PTCHD4: variants seen among roughly 807,000 people sequenced by gnomAD.
PTCHD4 encodes patched domain containing 4.
Under a neutral mutation model 58.1 loss-of-function variants are expected in PTCHD4, and 33 were observed. That is an observed-to-expected ratio of 0.57 (90% CI 0.43 to 0.76). The LOEUF (loss-of-function observed/expected upper bound fraction) is 0.76, where lower values mean the gene tolerates loss of function less well. Among genes scored for constraint, PTCHD4 ranks in the 30% least tolerant of loss-of-function variants. The probability of loss-of-function intolerance (pLI) is 0.00; values close to 1 mark genes in which losing one functional copy is unlikely to be tolerated. For synonymous variants in PTCHD4, 478 were observed against 409.6 expected (o/e 1.17, Z -2.02); for missense variants, 1,058 against 1,027.1 (o/e 1.03, Z -0.41).
chr6:48,098,938 C>A (rs546283228), intron 1 of PTCHD4, among the ~76,000 whole-genome samples: 32 of 152,184 alleles, frequency 2.1e-4, no homozygotes, highest in Admixed American at 1.8e-3. Flanking sequence ...CATATTGTAT[C>A]TTAATTTTTT....
intron 1 of PTCHD4, among the ~76,000 whole-genome samples, chr6:48,093,466 G>C (rs1331167837): frequency 6.6e-6 from 1 of 151,952 alleles, no homozygotes; most frequent in Non-Finnish European, 1.5e-5. Flanking sequence ...GCAGGACAAA[G>C]GTATTGGGGA....
At chr6:47,911,438 C>T (rs1468344441) in intron 4 of PTCHD4, among the ~76,000 whole-genome samples, 1 of 152,136 alleles carries the variant, frequency 6.6e-6, no homozygotes, top group East Asian at 1.9e-4. Context: ...GCTGCTTCTT[C>T]CAACTCCTTT....
chr6:47,908,983 A>C (rs759187898), intron 4 of PTCHD4, among the ~76,000 whole-genome samples: 3 of 152,196 alleles, frequency 2.0e-5, no homozygotes, highest in Non-Finnish European at 4.4e-5. Context: ...TCTCTCAGGA[A>C]TACTGCATAA....
At position 47,879,346 on chromosome 6, in the gene PTCHD4, G is replaced by A. The variant is rs778506640; in HGVS notation, c.1489C>T (p.Pro497Ser). The A allele has an allele frequency of 6.2e-7, 1 of 1,613,374 alleles. No homozygotes were observed. The highest frequency in any genetic ancestry group is 2.2e-5 in the East Asian group (1 of 44,832). Residue 497 changes from proline (P) to serine (S), a missense_variant, in exon 5 of 5, where the codon CCA (proline) becomes TCA (serine). Physicochemically the swap from Pro to Ser is moderately conservative, Grantham distance 74. Transcript: ENST00000339488. Reference protein sequence around the residue: ...NIINLLASDSPSVSYAMVQQK... With the variant: ...NIINLLASDSSSVSYAMVQQK... ...TGAACCATGGCATAGGAAACACTTG[G>A]CGAATCACTGGCTAGTAGATTGATG... is the stretch of plus-strand genomic sequence containing the variant.
At chr6:48,003,794 C>A (rs1768833469) in intron 4 of PTCHD4, among the ~76,000 whole-genome samples, 1 of 152,170 alleles carries the variant, frequency 6.6e-6, no homozygotes, top group African/African-American at 2.4e-5. Flanking sequence ...ATACTCAGAT[C>A]AGACTCTGAT....
At chr6:47,978,881 G>A (rs1210663784) in intron 4 of PTCHD4, among the ~76,000 whole-genome samples, 1 of 152,010 alleles carries the variant, frequency 6.6e-6, no homozygotes, top group South Asian at 2.1e-4. Context: ...GTTATATCAA[G>A]ATTCTATTAA....
chr6:47,983,993 T>C (rs1767977772), intron 4 of PTCHD4, among the ~76,000 whole-genome samples: 1 of 152,156 alleles, frequency 6.6e-6, no homozygotes, highest in South Asian at 2.1e-4. Flanking sequence ...TTAAATAAAC[T>C]GTATTAGAAA....
chr6:48,054,786 G>A (rs1248221778), intron 3 of PTCHD4, among the ~76,000 whole-genome samples: 2 of 152,110 alleles, frequency 1.3e-5, no homozygotes, highest in African/African-American at 4.8e-5. Flanking sequence ...TTAAAGGCTG[G>A]AAATAATTTT....
At chr6:47,888,543 T>A (rs1477477887) in intron 4 of PTCHD4, among the ~76,000 whole-genome samples, 2 of 152,136 alleles carry the variant, frequency 1.3e-5, no homozygotes, top group African/African-American at 2.4e-5. Flanking sequence ...GTTGTATATT[T>A]TATATATATA....
chr6:48,017,694 A>T (rs1268075762), intron 3 of PTCHD4, among the ~76,000 whole-genome samples: 2 of 152,246 alleles, frequency 1.3e-5, no homozygotes, highest in African/African-American at 4.8e-5. Flanking sequence ...CAATAAGGAC[A>T]TTGGGACCAA....
rs1378213145 is a variant in PTCHD4, at chr6:47,876,015, A to G, written c.*2288T>C. On this transcript the variant is annotated 3_prime_UTR_variant, in exon 5 of 5. Transcript: ENST00000339488. The stretch of plus-strand genomic sequence containing the variant: ...TGGGAGATAAAAATCTTCCATATCA[A>G]ATCTTTACAAATGATGGGTAATCTG... 1.3e-5 allele frequency among the ~76,000 whole-genome samples: 2 copies of G among 151,742 alleles called. No homozygotes were observed. Among genetic ancestry groups the G allele is most frequent in the East Asian group, 1.9e-4 (1 of 5,140 alleles).
Position 48,001,595 on chromosome 6 carries a change from T to C in PTCHD4, c.898+7039A>G, listed in dbSNP as rs1481140232. ...AAGTGGATCCCTTCCTTACACCTTA[T>C]ACAAAAATTAATTCAAGACGTATTA... On this transcript the variant is annotated intron_variant, in intron 4 of 4. Coordinates refer to ENST00000339488, the MANE Select transcript of PTCHD4 (RefSeq NM_001384253.1). Among the ~76,000 whole-genome samples the C allele has an allele frequency of 3.9e-5, 6 of 152,198 alleles. No homozygotes were observed. In the East Asian group the frequency reaches 9.6e-4, roughly 24 times the overall value.
chr6:47,904,545 G>T (rs759199683), intron 4 of PTCHD4, among the ~76,000 whole-genome samples: 4 of 152,156 alleles, frequency 2.6e-5, no homozygotes, highest in African/African-American at 9.7e-5. Flanking sequence ...CTCTGACTTA[G>T]AATCTCCTGG....
chr6:48,019,731 G>C (rs561363393), intron 3 of PTCHD4, among the ~76,000 whole-genome samples: 1 of 134,398 alleles, frequency 7.4e-6, no homozygotes, highest in East Asian at 2.0e-4. Context: ...GCGAGACTCC[G>C]TCTCAAAAAA....
chr6:48,062,922 A>C (rs188185785), intron 3 of PTCHD4, among the ~76,000 whole-genome samples: 134 of 152,284 alleles, frequency 8.8e-4, no homozygotes, highest in African/African-American at 3.1e-3. Context: ...ACAGAGAAAG[A>C]AGCTGACGCC....
chr6:48,067,024 A>G (rs979586026), intron 3 of PTCHD4, among the ~76,000 whole-genome samples: 9 of 152,074 alleles, frequency 5.9e-5, no homozygotes, highest in Non-Finnish European at 1.2e-4. Context: ...ATCTCCACAG[A>G]TGCACACACA....
chr6:48,007,243 A>C lies in PTCHD4; in HGVS notation c.898+1391T>G, dbSNP rs573143336. On this transcript the variant is annotated intron_variant, in intron 4 of 4. Coordinates refer to ENST00000339488, the MANE Select transcript of PTCHD4 (RefSeq NM_001384253.1). Reference sequence around the variant, plus strand: ...AGACAGAGCGAGACTCTGTCCCCCCAAAAAAAAGAAAAGAAAAAAGAAGAT... The same window carrying C: ...AGACAGAGCGAGACTCTGTCCCCCCCAAAAAAAGAAAAGAAAAAAGAAGAT... Among the ~76,000 whole-genome samples the C allele has an allele frequency of 1.1e-4, 17 of 152,088 alleles. No homozygotes were observed. In the South Asian group the frequency reaches 2.5e-3, roughly 22 times the overall value.
intron 1 of PTCHD4, among the ~76,000 whole-genome samples, chr6:48,095,043 A>G (rs1765435849): frequency 6.6e-6 from 1 of 152,216 alleles, no homozygotes; most frequent in African/African-American, 2.4e-5. Context: ...AGGACAGATT[A>G]TAAATGGACA....
intron 4 of PTCHD4, among the ~76,000 whole-genome samples, chr6:47,990,400 C>A (rs1186589346): frequency 1.3e-5 from 2 of 152,016 alleles, no homozygotes; most frequent in Non-Finnish European, 2.9e-5. Flanking sequence ...GGTTGTGTCC[C>A]CACCCAAATC....
Sources: allele counts gnomAD v4.1 joint callset (sites outside exome capture counted in the v4.1 genomes callset), GRCh38; gene constraint gnomAD v4.1.1; transcripts MANE v1.5; gene names NCBI Gene and HGNC (gene_info 2026-07-23, HGNC 2026-07-21).